CLSTN2: variants seen among roughly 807,000 people sequenced by gnomAD.
CLSTN2 encodes the protein calsyntenin-2.
A neutral mutation model predicts 101.2 loss-of-function variants in CLSTN2; 48 were observed. That is an observed-to-expected ratio of 0.47 (90% CI 0.38 to 0.60). The LOEUF (loss-of-function observed/expected upper bound fraction) is 0.60, where lower values mean the gene tolerates loss of function less well. CLSTN2 is among the 20% of genes least tolerant of loss of function. CLSTN2 has a pLI of 0.00. For synonymous variants in CLSTN2, 481 were observed against 463.6 expected, an observed-to-expected ratio of 1.04 and a Z score of -0.48; for missense variants, 1,160 against 1,238.2, an observed-to-expected ratio of 0.94 and a Z score of 0.95.
At chr3:140,318,012 T>C (rs2087245391) in intron 2 of CLSTN2, among the ~76,000 whole-genome samples, 1 of 152,214 alleles carries the variant, frequency 6.6e-6, no homozygotes, top group African/African-American at 2.4e-5. Flanking sequence ...ACATTACCGC[T>C]GTATGGGGTA....
chr3:140,341,508 C>T (rs2087492682), intron 2 of CLSTN2, among the ~76,000 whole-genome samples: 1 of 152,218 alleles, frequency 6.6e-6, no homozygotes, highest in Non-Finnish European at 1.5e-5. Flanking sequence ...GGACTTTCAG[C>T]CGCATTTTCT....
intron 1 of CLSTN2, among the ~76,000 whole-genome samples, chr3:139,958,473 G>A (rs540462616): frequency 6.6e-6 from 1 of 152,116 alleles, no homozygotes; most frequent in Non-Finnish European, 1.5e-5. Context: ...CTGTACAAAA[G>A]ACTGAAATCC....
At chr3:139,939,958 T>G (rs146012806) in intron 1 of CLSTN2, among the ~76,000 whole-genome samples, 34 of 152,322 alleles carry the variant, frequency 2.2e-4, no homozygotes, top group Admixed American at 7.2e-4. Flanking sequence ...ATCAAGCTAG[T>G]AGGTCACCTT....
At chr3:140,262,456 C>T (rs879924987) in intron 2 of CLSTN2, among the ~76,000 whole-genome samples, 29 of 148,948 alleles carry the variant, frequency 1.9e-4, no homozygotes, top group Non-Finnish European at 4.0e-4. Context: ...TAAAGATGTT[C>T]GAAATGAAAT....
At position 140,404,677 on chromosome 3, in the gene CLSTN2, C is replaced by G. The variant is rs1440758996; in HGVS notation, c.548C>G (p.Ala183Gly). 1.2e-6 allele frequency: 2 copies of G among 1,614,048 alleles called. No individual in the cohort carries two copies. The highest frequency in any genetic ancestry group is 1.7e-6 in the Non-Finnish European group (2 of 1,180,020). ...KIYDSILQVE[A>G]IDEDCSPQYS... ...TATGACAGCATTCTGCAGGTGGAGG[C>G]CATTGACGAGGACTGCTCCCCACAG... The change falls in exon 4 of 17, where the codon GCC (alanine) becomes GGC (glycine). Residue 183 changes from alanine to glycine, a missense_variant. Transcript: ENST00000458420.
chr3:140,371,010 C>T (rs978078684), intron 2 of CLSTN2, among the ~76,000 whole-genome samples: 13 of 152,136 alleles, frequency 8.5e-5, no homozygotes, highest in Admixed American at 7.9e-4. Context: ...AGAGTTTGAG[C>T]CTCATAAAAA....
intron 11 of CLSTN2, 195 bp downstream of exon 11, chr3:140,556,856 T>C (rs1006779201): frequency 6.9e-6 from 4 of 576,572 alleles, no homozygotes; most frequent in Non-Finnish European, 1.2e-5. Context: ...TTCTGTTGTT[T>C]TACCACCTTG....
intron 2 of CLSTN2, among the ~76,000 whole-genome samples, chr3:140,268,415 T>A (rs1047160866): frequency 6.6e-6 from 1 of 152,190 alleles, no homozygotes; most frequent in Admixed American, 6.5e-5. Flanking sequence ...GGAAGATCTG[T>A]AGCAGGAGCT....
chr3:140,576,079 G>C lies in CLSTN2; in HGVS notation c.*9826G>C, dbSNP rs1985723224. 1.3e-5 allele frequency: 2 copies of C among 152,154 alleles called. No individual in the cohort carries two copies. The highest frequency in any genetic ancestry group is 4.2e-4 in the South Asian group (2 of 4,818). The allele number at this position is 152,154 out of a possible 1,614,324, so 9.4% of individuals were successfully genotyped here. A position where few individuals can be genotyped will look rare whatever the true frequency, so the allele number is the denominator to read the frequency against. On this transcript the variant is annotated 3_prime_UTR_variant, in exon 17 of 17. Transcript: ENST00000458420. ...CTCCTTCATAGAGACTCAGTAGTATGAGTATACCCCAAATTGAATGAGCCA... is the reference window on the plus strand; with the variant it reads ...CTCCTTCATAGAGACTCAGTAGTATCAGTATACCCCAAATTGAATGAGCCA...
intron 1 of CLSTN2, among the ~76,000 whole-genome samples, chr3:140,014,612 G>A (rs1394218583): frequency 3.3e-5 from 5 of 152,116 alleles, no homozygotes; most frequent in African/African-American, 1.2e-4. Flanking sequence ...AGGGTGTGAG[G>A]GAAGGAGAGT....
rs2108008961 is a variant in CLSTN2, at chr3:140,448,634, G to T, written c.903G>T (p.Leu301=). 1 of 1,614,144 alleles carries T rather than the reference G, an allele frequency of 6.2e-7. No homozygotes were observed. The highest frequency in any genetic ancestry group is 2.2e-5 in the East Asian group (1 of 44,880). ...AVSSLQIVTE[L]QTNYIGKGCD... ...CTTCCCTCCAGATCGTCACAGAGCTGCAGACTAATTACATTGGGAAGGGTT... is the reference window on the plus strand; with the variant it reads ...CTTCCCTCCAGATCGTCACAGAGCTTCAGACTAATTACATTGGGAAGGGTT... Residue 301 remains leucine (L), a synonymous_variant, in exon 6 of 17, where the codon CTG becomes CTT. Transcript: ENST00000458420.
At chr3:139,938,854 C>A (rs1935074306) in intron 1 of CLSTN2, among the ~76,000 whole-genome samples, 1 of 152,190 alleles carries the variant, frequency 6.6e-6, no homozygotes, top group African/African-American at 2.4e-5. Context: ...GTAGTGCCCG[C>A]CTTGTGTGCT....
chr3:140,048,705 G>A (rs896780438), intron 1 of CLSTN2, among the ~76,000 whole-genome samples: 3 of 152,160 alleles, frequency 2.0e-5, no homozygotes, highest in Admixed American at 6.5e-5. Context: ...CTTACTGGGG[G>A]GAGTGGGGGG....
chr3:140,190,092 T>G (rs755552938), intron 2 of CLSTN2, among the ~76,000 whole-genome samples: 5 of 152,128 alleles, frequency 3.3e-5, no homozygotes, highest in Non-Finnish European at 5.9e-5. Flanking sequence ...GGACCTAATT[T>G]TACTTATGAG....
intron 2 of CLSTN2, among the ~76,000 whole-genome samples, chr3:140,241,294 C>G (rs989408494): frequency 1.3e-5 from 2 of 152,142 alleles, no homozygotes; most frequent in African/African-American, 4.8e-5. Flanking sequence ...GGAATGTTCT[C>G]TTGTCCAATA....
intron 1 of CLSTN2, among the ~76,000 whole-genome samples, chr3:140,087,362 T>A (rs1012303795): frequency 6.6e-6 from 1 of 152,180 alleles, no homozygotes; most frequent in Non-Finnish European, 1.5e-5. Flanking sequence ...ACATATGAAT[T>A]GTAGCCATTC....
At position 140,576,760 on chromosome 3, in the gene CLSTN2, G is replaced by A. The variant is rs1576384756; in HGVS notation, c.*10507G>A. On this transcript the variant is annotated 3_prime_UTR_variant, in exon 17 of 17. Coordinates refer to ENST00000458420, the MANE Select transcript of CLSTN2 (RefSeq NM_022131.3). Reference sequence around the variant, plus strand: ...AGTGGATGGCTTTGCCTCCAGCGGTGGACCAGTGTGTACCTGACATGTATC... The same window carrying A: ...AGTGGATGGCTTTGCCTCCAGCGGTAGACCAGTGTGTACCTGACATGTATC... 2 of 152,186 alleles carry A rather than the reference G, an allele frequency of 1.3e-5. No homozygotes were observed. Among genetic ancestry groups the A allele is most frequent in the African/African-American group, 4.8e-5 (2 of 41,440 alleles). 9.4% of individuals were successfully genotyped at this position (152,186 alleles called of 1,614,324 possible). A position where few individuals can be genotyped will look rare whatever the true frequency, so the allele number is the denominator to read the frequency against.
intron 2 of CLSTN2, among the ~76,000 whole-genome samples, chr3:140,350,953 T>C (rs1327771729): frequency 1.3e-5 from 2 of 152,178 alleles, no homozygotes; most frequent in African/African-American, 4.8e-5. Flanking sequence ...CTGCAGTAGA[T>C]TTATTCCTTG....
intron 2 of CLSTN2, among the ~76,000 whole-genome samples, chr3:140,293,219 A>C (rs1395197040): frequency 6.6e-6 from 1 of 152,224 alleles, no homozygotes; most frequent in Non-Finnish European, 1.5e-5. Flanking sequence ...GTTGATAAGC[A>C]GGTGAACTCT....
Sources: gnomAD v4.1 joint callset for allele counts (sites outside exome capture counted in the v4.1 genomes callset) on GRCh38, gnomAD v4.1.1 for gene constraint, MANE v1.5 for transcripts, NCBI Gene and HGNC (gene_info 2026-07-23, HGNC 2026-07-21) for gene names.